The following PLEKHH2 variants were observed in gnomAD, a reference collection of about 807,000 sequenced individuals.
PLEKHH2 encodes pleckstrin homology domain-containing family H member 2.
A neutral mutation model predicts 187.9 loss-of-function variants in PLEKHH2; 129 were observed. The observed-to-expected ratio is 0.69, with a 90% CI of 0.59 to 0.79. The LOEUF is 0.79. Ranked by LOEUF, PLEKHH2 falls within the 30% of genes least tolerant of loss-of-function variation. The probability of loss-of-function intolerance (pLI) is 0.00; values close to 1 mark genes in which losing one functional copy is unlikely to be tolerated. For synonymous variants in PLEKHH2, 686 were observed against 605.6 expected, an observed-to-expected ratio of 1.13 and a Z score of -1.95; for missense variants, 2,076 against 1,751.2, an observed-to-expected ratio of 1.19 and a Z score of -3.31.
At position 43,650,506 on chromosome 2, in the gene PLEKHH2, T is replaced by C. The variant is rs373589027; in HGVS notation, c.123+5710T>C. 2.3e-4 allele frequency among the ~76,000 whole-genome samples: 35 copies of C among 152,338 alleles called. No homozygotes were observed. In the South Asian group the frequency reaches 6.0e-3, roughly 26 times the overall value. On this transcript the variant is annotated intron_variant, in intron 2 of 29. Transcript: ENST00000282406. ...CCCAAGGTTTACATTATAGTCTATA[T>C]TGTGAAAGTAAAAACTTACATGAAT...
intron 2 of PLEKHH2, among the ~76,000 whole-genome samples, chr2:43,666,286 A>AC (rs1416441192): frequency 6.6e-6 from 1 of 150,878 alleles, no homozygotes; most frequent in Non-Finnish European, 1.5e-5. Flanking sequence ...GAACTCCCTG[A>AC]CCCCTTGCGC....
At chr2:43,650,425 AC>A (rs1666413897) in intron 2 of PLEKHH2, among the ~76,000 whole-genome samples, 1 of 151,414 alleles carries the variant, frequency 6.6e-6, no homozygotes, top group South Asian at 2.1e-4. Context: ...GAGCCACTGT[AC>A]CCGGCCATTT....
chr2:43,738,394 C>T lies in PLEKHH2; in HGVS notation c.2997C>T (p.His999=). The change falls in exon 20 of 30, where the codon CAC becomes CAT. Residue 999 remains histidine, a synonymous_variant. Transcript: ENST00000282406. ...TTGACTCTCCTGCAATTGATTACCA[C>T]ATATCTTTAGCCCAGAGTGCTTTGC... ...AAVDSPAIDY[H]ISLAQSALQI... 1.2e-6 allele frequency: 2 copies of T among 1,613,892 alleles called. No homozygotes were observed. Among genetic ancestry groups the T allele is most frequent in the Non-Finnish European group, 1.7e-6 (2 of 1,179,852 alleles).
In PLEKHH2 at chr2:43,731,507, C is replaced by T. The variant is rs374988599; in HGVS notation, c.2848C>T (p.His950Tyr). 2.9e-5 allele frequency: 47 copies of T among 1,597,386 alleles called. No homozygotes were observed. Among genetic ancestry groups the T allele is most frequent in the Non-Finnish European group, 3.9e-5 (46 of 1,165,592 alleles). The stretch of plus-strand genomic sequence containing the variant: ...GCATTTAGCCTCTCAGATATGGAGA[C>T]ACCCCACTTTGTGTCACAGTAAAGA... ...DGEPSSQIWRHPTLCHSKEGI... is the reference protein window; with the variant it reads ...DGEPSSQIWRYPTLCHSKEGI... The change falls in exon 19 of 30, where the codon CAC becomes TAC. Residue 950 changes from histidine (H) to tyrosine (Y), a missense_variant. Transcript: ENST00000282406.
chr2:43,714,346 A>C (rs1215565732), intron 15 of PLEKHH2, among the ~76,000 whole-genome samples: 2 of 152,234 alleles, frequency 1.3e-5, no homozygotes, highest in Non-Finnish European at 2.9e-5. Flanking sequence ...TCAGATGACT[A>C]AATCATTAGG....
chr2:43,679,533 T>G (rs1012531101), intron 3 of PLEKHH2: 5 of 331,350 alleles, frequency 1.5e-5, no homozygotes, highest in Admixed American at 1.3e-4. Flanking sequence ...TCTTGCTCTG[T>G]GGCCCAGGCT....
At chr2:43,652,336 C>T (rs1378798539) in intron 2 of PLEKHH2, among the ~76,000 whole-genome samples, 2 of 152,180 alleles carry the variant, frequency 1.3e-5, no homozygotes, top group Non-Finnish European at 2.9e-5. Context: ...TTACAGGGCT[C>T]TGCAGGGCAT....
At chr2:43,695,363 A>C in intron 6 of PLEKHH2, 139 bp downstream of exon 6, 1 of 458,506 alleles carries the variant, frequency 2.2e-6, no homozygotes. Context: ...TTACTAAACA[A>C]ACCAGAAGTC....
At chr2:43,704,791 C>G (rs746873147) in intron 9 of PLEKHH2, among the ~76,000 whole-genome samples, 10 of 150,048 alleles carry the variant, frequency 6.7e-5, no homozygotes, top group Non-Finnish European at 1.3e-4. Flanking sequence ...TCCTAAATGT[C>G]TAAATTCATT....
chr2:43,761,787 A>G (rs1672442182), intron 27 of PLEKHH2, among the ~76,000 whole-genome samples: 1 of 151,962 alleles, frequency 6.6e-6, no homozygotes, highest in Admixed American at 6.6e-5. Flanking sequence ...ACAGTTTCAT[A>G]TTTTCTTGTT....
chr2:43,693,692 C>G (rs1668944009), intron 4 of PLEKHH2, among the ~76,000 whole-genome samples: 1 of 127,286 alleles, frequency 7.9e-6, no homozygotes, highest in East Asian at 2.0e-4. Flanking sequence ...CCACTGCACT[C>G]CAGCCTGGGC....
Position 43,695,677 on chromosome 2 carries a change from T to G in PLEKHH2, c.502+453T>G, listed in dbSNP as rs201488346. Among the ~76,000 whole-genome samples, 40 of 152,304 alleles carry G rather than the reference T, an allele frequency of 2.6e-4. No individual in the cohort carries two copies. The East Asian group carries it at 6.8e-3, about 26-fold the overall frequency. ...CTTCTAAGTGATGTAGTTCTGTATCTCCCTGTTTTCTTGAAAGAACACAGG... is the reference window on the plus strand; with the variant it reads ...CTTCTAAGTGATGTAGTTCTGTATCGCCCTGTTTTCTTGAAAGAACACAGG... On this transcript the variant is annotated intron_variant, in intron 6 of 29. Coordinates refer to ENST00000282406, the MANE Select transcript of PLEKHH2 (RefSeq NM_172069.4).
At chr2:43,672,905 C>A (rs1488369739) in intron 2 of PLEKHH2, among the ~76,000 whole-genome samples, 1 of 152,156 alleles carries the variant, frequency 6.6e-6, no homozygotes, top group African/African-American at 2.4e-5. Context: ...TCCATAAAAA[C>A]AGGCACACGT....
At chr2:43,682,367 T>C (rs1159391984) in intron 3 of PLEKHH2, among the ~76,000 whole-genome samples, 1 of 152,108 alleles carries the variant, frequency 6.6e-6, no homozygotes, top group South Asian at 2.1e-4. Context: ...AGTGCAGTGG[T>C]GCCATCTCAG....
At chr2:43,732,652 C>T (rs1205065803) in intron 19 of PLEKHH2, among the ~76,000 whole-genome samples, 2 of 152,190 alleles carry the variant, frequency 1.3e-5, no homozygotes, top group African/African-American at 4.8e-5. Flanking sequence ...TACTCTTCCA[C>T]TTTTTCTTCA....
chr2:43,728,212 C>G (rs1011444491), intron 17 of PLEKHH2, among the ~76,000 whole-genome samples: 1 of 152,062 alleles, frequency 6.6e-6, no homozygotes, highest in African/African-American at 2.4e-5. Context: ...GGCACTGTGT[C>G]TCACGCCTGT....
At chr2:43,728,824 A>C (rs1169641957) in intron 17 of PLEKHH2, among the ~76,000 whole-genome samples, 5 of 152,248 alleles carry the variant, frequency 3.3e-5, no homozygotes, top group African/African-American at 1.2e-4. Context: ...GGCCTCTCAA[A>C]GTGCTGGGAT....
chr2:43,723,798 C>T (rs960885839), intron 16 of PLEKHH2, among the ~76,000 whole-genome samples: 7 of 152,118 alleles, frequency 4.6e-5, no homozygotes, highest in East Asian at 3.9e-4. Flanking sequence ...GGGCTTTGAG[C>T]GGAACAGGGA....
intron 24 of PLEKHH2, among the ~76,000 whole-genome samples, chr2:43,752,080 G>C (rs1672033513): frequency 6.6e-6 from 1 of 152,006 alleles, no homozygotes; most frequent in Admixed American, 6.6e-5. Context: ...ACCTTCCAGT[G>C]GTAACACTTA....
Sources: gnomAD v4.1 joint callset for allele counts (sites outside exome capture counted in the v4.1 genomes callset) on GRCh38, gnomAD v4.1.1 for gene constraint, MANE v1.5 for transcripts, NCBI Gene and HGNC (gene_info 2026-07-23, HGNC 2026-07-21) for gene names.